FAM20C: variants seen among roughly 807,000 people sequenced by gnomAD.
FAM20C encodes the protein extracellular serine/threonine protein kinase FAM20C.
Under a neutral mutation model 51.5 loss-of-function variants are expected in FAM20C, and 40 were observed. The observed-to-expected ratio is 0.78, with a 90% confidence interval of 0.60 to 1.01. The LOEUF is 1.01. Ranked by LOEUF, FAM20C falls within the 50% of genes least tolerant of loss-of-function variation. The pLI is 0.00. For missense variants in FAM20C, 861 were observed against 844.7 expected (o/e 1.02, Z -0.24); for synonymous variants, 406 against 380.6 (o/e 1.07, Z -0.78).
chr7:195,426 C>A, intron 1 of FAM20C, 128 bp from the exon 2 acceptor site: 1 of 849,970 alleles, frequency 1.2e-6, no homozygotes, highest in Non-Finnish European at 1.6e-6. Flanking sequence ...TAAGCAGAGG[C>A]GCCTTCAACA....
chr7:212,057 G>A (rs1039021125), intron 3 of FAM20C, among the ~76,000 whole-genome samples: 6 of 152,226 alleles, frequency 3.9e-5, no homozygotes, highest in Admixed American at 3.9e-4. Flanking sequence ...TGGGGGCTGT[G>A]CCCAGGGCCT....
chr7:198,435 C>T (rs1785981951), intron 2 of FAM20C, among the ~76,000 whole-genome samples: 1 of 152,172 alleles, frequency 6.6e-6, no homozygotes, highest in Non-Finnish European at 1.5e-5. Flanking sequence ...AACCCATTCA[C>T]TAGCGAAAAC....
At position 257,103 on chromosome 7, in the gene FAM20C, C is replaced by G; in HGVS notation, c.1445+17C>G. ...TGGAAGAGGGTGAGCCTGTCCTCGC[C>G]CCTGCACACCCAGGGAAGGGCCGGC... On this transcript the variant is annotated intron_variant, in intron 8 of 9. Transcript: ENST00000313766. 2 of 1,536,338 alleles carry G rather than the reference C, an allele frequency of 1.3e-6. No individual in the cohort carries two copies. The highest frequency in any genetic ancestry group is 1.7e-6 in the Non-Finnish European group (2 of 1,146,470).
chr7:197,743 G>C (rs894187918), intron 2 of FAM20C, among the ~76,000 whole-genome samples: 1 of 152,168 alleles, frequency 6.6e-6, no homozygotes, highest in African/African-American at 2.4e-5. Flanking sequence ...CTCCCTCACC[G>C]ACCGGTCAGC....
At chr7:229,867 A>C (rs892696868) in intron 3 of FAM20C, among the ~76,000 whole-genome samples, 3 of 152,050 alleles carry the variant, frequency 2.0e-5, no homozygotes, top group Admixed American at 2.0e-4. Flanking sequence ...GCCTTCATTT[A>C]GTGAGTCAGG....
chr7:229,706 C>T (rs906680724), intron 3 of FAM20C: 11 of 152,274 alleles, frequency 7.2e-5, no homozygotes, highest in Non-Finnish European at 5.9e-5. Flanking sequence ...GGAGTCACTG[C>T]CAGGGAGAGC....
rs560526282 is a variant in FAM20C, at chr7:192,716, G to T, written c.-484G>T. Among the ~76,000 whole-genome samples the T allele has an allele frequency of 0.015, 2,211 of 147,828 alleles. 27 individuals are homozygous for T. Among genetic ancestry groups the T allele is most frequent in the South Asian group, 0.027 (127 of 4,736 alleles). ...GTCTCCCGGGCGCGGCGTGAGAGCA[G>T]AGCCCGGCCCGGAGGAGCCGCCCCT... On this transcript the variant is annotated 5_prime_UTR_variant, in exon 1 of 10. Transcript: ENST00000313766.
In FAM20C at chr7:224,439, A is replaced by C. The variant is rs1157778261; in HGVS notation, c.863+15463A>C. Among the ~76,000 whole-genome samples, 7 of 15,688 alleles carry C rather than the reference A, an allele frequency of 4.5e-4. 2 individuals are homozygous for C. Among genetic ancestry groups the C allele is most frequent in the Non-Finnish European group, 8.6e-4 (7 of 8,152 alleles). 10.3% of individuals were successfully genotyped at this position (15,688 alleles called of 152,430 possible). On this transcript the variant is annotated intron_variant, in intron 3 of 9. Transcript: ENST00000313766. ...CAGAACGGCACCCTCACGGGGTCGC[A>C]CGGCGGCTGTCCCCTGAGCCTTCTC... is the stretch of plus-strand genomic sequence containing the variant.
At chr7:241,605 T>TG (rs1787948803) in intron 3 of FAM20C, among the ~76,000 whole-genome samples, 6 of 151,884 alleles carry the variant, frequency 4.0e-5, no homozygotes, top group African/African-American at 1.5e-4. Context: ...TGCATATATG[T>TG]CCATGCACAC....
chr7:236,835 C>A (rs1029294050), intron 3 of FAM20C, among the ~76,000 whole-genome samples: 1 of 150,438 alleles, frequency 6.6e-6, no homozygotes, highest in Non-Finnish European at 1.5e-5. Flanking sequence ...GGGTTTCATG[C>A]GGAGGTGAGG....
chr7:227,705 A>T (rs967564252), intron 3 of FAM20C: 2 of 152,206 alleles, frequency 1.3e-5, no homozygotes, highest in African/African-American at 2.4e-5. Context: ...AGTCCTGTCC[A>T]TGAATACTGG....
At position 206,644 on chromosome 7, in the gene FAM20C, G is replaced by A. The variant is rs74195447; in HGVS notation, c.785-2254G>A. Among the ~76,000 whole-genome samples the A allele has an allele frequency of 9.5e-4, 97 of 102,424 alleles. 5 individuals are homozygous for A. Among genetic ancestry groups the A allele is most frequent in the East Asian group, 8.4e-3 (18 of 2,138 alleles). The allele number at this position is 102,424 out of a possible 152,430, so 67.2% of individuals were successfully genotyped here. A position where few individuals can be genotyped will look rare whatever the true frequency, so the allele number is the denominator to read the frequency against. ...ATGGTCCCCTCGGCCCCGCACACGT[G>A]TCCACTGTGACGCGTCGGTCACTGT... On this transcript the variant is annotated intron_variant, in intron 2 of 9. Transcript: ENST00000313766.
At chr7:213,143 G>C (rs62430291) in intron 3 of FAM20C, among the ~76,000 whole-genome samples, 55 of 65,784 alleles carry the variant, frequency 8.4e-4, no homozygotes, top group South Asian at 2.2e-3. Context: ...GTGACATGGA[G>C]GGCTGTGGAG....
rs143895550 is a variant in FAM20C, at chr7:250,432, G to A, written c.1072+2002G>A. 1.9e-3 allele frequency among the ~76,000 whole-genome samples: 292 copies of A among 152,246 alleles called. 1 individual carries two copies. Among genetic ancestry groups the A allele is most frequent in the Admixed American group, 4.0e-3 (61 of 15,296 alleles). ...CCTGGCCCTACACACCAGGAATCGG[G>A]GCAGAGGCAGAACCTGAGCGTGGGG... On this transcript the variant is annotated intron_variant, in intron 5 of 9. Coordinates refer to ENST00000313766, the MANE Select transcript of FAM20C (RefSeq NM_020223.4).
chr7:246,296 G>T (rs894499679), intron 3 of FAM20C, 119 bp from the exon 4 acceptor site: 38 of 823,042 alleles, frequency 4.6e-5, no homozygotes, highest in Non-Finnish European at 6.9e-5. Context: ...GGGTGGCCCT[G>T]AGGAGGCTGG....
chr7:213,455 C>T (rs1786824097), intron 3 of FAM20C, among the ~76,000 whole-genome samples: 1 of 152,238 alleles, frequency 6.6e-6, no homozygotes, highest in African/African-American at 2.4e-5. Flanking sequence ...TTGCATAGTC[C>T]TTTGTGACTG....
Position 195,425 on chromosome 7 carries a change from G to A in FAM20C, c.606-129G>A, listed in dbSNP as rs186686206. ...GTTGCAGGGCCCTCTTTAAGCAGAG[G>A]CGCCTTCAACACATCTGCACTTGCT... On this transcript the variant is annotated intron_variant, in intron 1 of 9. Coordinates refer to ENST00000313766, the MANE Select transcript of FAM20C (RefSeq NM_020223.4). 1.6e-4 allele frequency: 134 copies of A among 845,974 alleles called. No individual in the cohort carries two copies. The African/African-American group carries it at 1.9e-3, about 12-fold the overall frequency. 52.4% of individuals were successfully genotyped at this position (845,974 alleles called of 1,614,324 possible).
chr7:243,816 C>T (rs1389136168), intron 3 of FAM20C, among the ~76,000 whole-genome samples: 2 of 152,114 alleles, frequency 1.3e-5, no homozygotes, highest in African/African-American at 2.4e-5. Flanking sequence ...AGCTCAGTTT[C>T]CTAGCGGCTT....
intron 1 of FAM20C, 194 bp from the exon 2 acceptor site, chr7:195,360 A>G: frequency 4.4e-6 from 2 of 455,420 alleles, no homozygotes; most frequent in South Asian, 1.2e-4. Context: ...TCACCGTGTT[A>G]TTAGTTGGCA....
Sources: allele counts gnomAD v4.1 joint callset (sites outside exome capture counted in the v4.1 genomes callset), GRCh38; gene constraint gnomAD v4.1.1; transcripts MANE v1.5; gene names NCBI Gene and HGNC (gene_info 2026-07-23, HGNC 2026-07-21).